Variants in UTRN observed in about 807,000 individuals in gnomAD.
The protein encoded by UTRN is utrophin, also known as dystrophin-related protein 1.
UTRN carries 283 observed loss-of-function variants against 463.9 expected under a neutral mutation model. That is an observed-to-expected ratio of 0.61 (90% CI 0.55 to 0.67). The LOEUF is 0.67. UTRN is among the 30% of genes least tolerant of loss of function. The probability of loss-of-function intolerance (pLI) is 0.00; values close to 1 mark genes in which losing one functional copy is unlikely to be tolerated. For synonymous variants in UTRN, 1,442 were observed against 1,431.5 expected (o/e 1.01, Z -0.17); for missense variants, 3,922 against 4,084.3 (o/e 0.96, Z 1.08).
At chr6:144,745,170 C>T (rs1586347409) in intron 54 of UTRN, among the ~76,000 whole-genome samples, 1 of 152,100 alleles carries the variant, frequency 6.6e-6, no homozygotes, top group Non-Finnish European at 1.5e-5. Flanking sequence ...TGTAGGTGGT[C>T]CTTAGCATTT....
At chr6:144,414,028 C>G (rs1426803601) in intron 3 of UTRN, among the ~76,000 whole-genome samples, 2 of 152,028 alleles carry the variant, frequency 1.3e-5, no homozygotes, top group African/African-American at 2.4e-5. Flanking sequence ...GTCTCGAACT[C>G]CTGATCTCAT....
At position 144,479,825 on chromosome 6, in the gene UTRN, A is replaced by C. The variant is rs1791659529; in HGVS notation, c.3350A>C (p.Lys1117Thr). The change falls in exon 26 of 75, where the codon AAA becomes ACA. Residue 1117 changes from lysine (K) to threonine (T), a missense_variant. By Grantham distance (78) the Lys-to-Thr change is moderately conservative (BLOSUM62 -1). Transcript: ENST00000367545. ...TTTCCTTTGTAGATCGCTACTCAAAAAAGTAGGTTGTCTGAAAGTCAAGAA... is the reference window on the plus strand; with the variant it reads ...TTTCCTTTGTAGATCGCTACTCAAACAAGTAGGTTGTCTGAAAGTCAAGAA... ...EKLSKEIATQ[K>T]SRLSESQEKA... 1.2e-6 allele frequency: 2 copies of C among 1,613,374 alleles called. No individual in the cohort carries two copies. Among genetic ancestry groups the C allele is most frequent in the Non-Finnish European group, 1.7e-6 (2 of 1,179,774 alleles).
At chr6:144,649,191 G>A (rs959021671) in intron 51 of UTRN, among the ~76,000 whole-genome samples, 2 of 152,218 alleles carry the variant, frequency 1.3e-5, no homozygotes, top group Non-Finnish European at 2.9e-5. Flanking sequence ...AACAAAACAC[G>A]AGGAGGCTAT....
chr6:144,348,524 T>A lies in UTRN; in HGVS notation c.80-54599T>A, dbSNP rs12662267. ...GGACTCGTGAATTTTTTGCAGATCTTAATAATTATAGAGAAAATGAGTAGG... is the reference window on the plus strand; with the variant it reads ...GGACTCGTGAATTTTTTGCAGATCTAAATAATTATAGAGAAAATGAGTAGG... On this transcript the variant is annotated intron_variant, in intron 2 of 74. Coordinates refer to ENST00000367545, the MANE Select transcript of UTRN (RefSeq NM_007124.3). Among the ~76,000 whole-genome samples, 1,263 of 152,328 alleles carry A rather than the reference T, an allele frequency of 8.3e-3. 73 individuals carry two copies. The East Asian group carries it at 0.16, about 20-fold the overall frequency.
chr6:144,802,546 A>G (rs761975018), intron 64 of UTRN, among the ~76,000 whole-genome samples: 10 of 152,212 alleles, frequency 6.6e-5, no homozygotes, highest in Admixed American at 3.9e-4. Context: ...GTACAAGTCA[A>G]TGTGCAGTGT....
intron 51 of UTRN, among the ~76,000 whole-genome samples, chr6:144,630,713 A>G (rs1328795627): frequency 6.6e-6 from 1 of 152,110 alleles, no homozygotes. Flanking sequence ...TGAGCTGGAG[A>G]GTTTGTTATA....
At chr6:144,333,165 T>A (rs978355534) in intron 2 of UTRN, 15 of 152,128 alleles carry the variant, frequency 9.9e-5, no homozygotes, top group African/African-American at 2.9e-4. Context: ...TGTCTCGAAC[T>A]CCTGACCTCA....
chr6:144,397,991 G>A (rs1277542603), intron 2 of UTRN: 2 of 221,306 alleles, frequency 9.0e-6, no homozygotes, highest in Admixed American at 4.1e-5. Context: ...GGAGTTACCA[G>A]CAGAAAGACT....
At chr6:144,388,379 C>G (rs1033793733) in intron 2 of UTRN, among the ~76,000 whole-genome samples, 4 of 151,996 alleles carry the variant, frequency 2.6e-5, no homozygotes, top group Non-Finnish European at 5.9e-5. Context: ...GTGGCACAAC[C>G]ATAGCTTACT....
intron 51 of UTRN, among the ~76,000 whole-genome samples, chr6:144,604,263 A>G (rs77866905): frequency 0.025 from 3,762 of 152,278 alleles, 159 homozygotes; most frequent in African/African-American, 0.084. Flanking sequence ...CCTTCTGAAA[A>G]GCCATATAGG....
Position 144,286,585 on chromosome 6 carries a change from C to T in UTRN, c.-93+764C>T, listed in dbSNP as rs1393211359. On this transcript the variant is annotated intron_variant, in intron 1 of 74. Coordinates refer to ENST00000367545, the MANE Select transcript of UTRN (RefSeq NM_007124.3). This position sits in a 1 kb window ranked among gnomAD's most constrained non-coding sequence, Gnocchi z 4.4. ...GCAACTGACAAGGTAATTCATGCCC[C>T]GCTTTGGCCCGGGGTCCGAGGCTGT... Among the ~76,000 whole-genome samples the T allele has an allele frequency of 1.3e-5, 2 of 152,126 alleles. No individual in the cohort carries two copies. Among genetic ancestry groups the T allele is most frequent in the Admixed American group, 6.5e-5 (1 of 15,282 alleles).
At chr6:144,494,611 G>T (rs555718408) in intron 33 of UTRN, among the ~76,000 whole-genome samples, 1 of 152,150 alleles carries the variant, frequency 6.6e-6, no homozygotes, top group Non-Finnish European at 1.5e-5. Flanking sequence ...TGGTAGAGAC[G>T]AGTGGTCTGT....
intron 2 of UTRN, among the ~76,000 whole-genome samples, chr6:144,304,421 G>C (rs757887319): frequency 2.2e-4 from 33 of 152,264 alleles, no homozygotes; most frequent in African/African-American, 5.5e-4. Flanking sequence ...GTTGTCGACT[G>C]TCTGTCACCT....
At chr6:144,772,956 A>C (rs1304979379) in intron 59 of UTRN, among the ~76,000 whole-genome samples, 1 of 151,500 alleles carries the variant, frequency 6.6e-6, no homozygotes, top group East Asian at 1.9e-4. Context: ...TAATCTCTTT[A>C]AATGTTGGGC....
In UTRN at chr6:144,607,927, C is replaced by T. The variant is rs185903009; in HGVS notation, c.7479+30639C>T. 5.3e-4 allele frequency among the ~76,000 whole-genome samples: 80 copies of T among 152,290 alleles called. 1 individual carries two copies. The East Asian group carries it at 0.015, about 28-fold the overall frequency. On this transcript the variant is annotated intron_variant, in intron 51 of 74. Coordinates refer to ENST00000367545, the MANE Select transcript of UTRN (RefSeq NM_007124.3). ...GAAATCCTCTTGCTCTGAGAAACCC[C>T]TCAGTCCCAGATAAAGCAGGCTGGT...
chr6:144,296,994 G>T (rs897561498), intron 2 of UTRN, among the ~76,000 whole-genome samples: 10 of 152,080 alleles, frequency 6.6e-5, no homozygotes, highest in Non-Finnish European at 1.2e-4. Context: ...ACAGTCCTTT[G>T]GGTGGAAGAT....
rs951849684 is a variant in UTRN, at chr6:144,797,890, A to G, written c.9145A>G (p.Met3049Val). ...IDWMHLEPQS[M>V]VWLPVLHRVA... ...TTGGATGCATTTGGAACCACAGTCCATGGTTTGGCTCCCAGTTTTACATCG... is the reference window on the plus strand; with the variant it reads ...TTGGATGCATTTGGAACCACAGTCCGTGGTTTGGCTCCCAGTTTTACATCG... Residue 3049 changes from methionine (M) to valine (V), a missense_variant, in exon 64 of 75, where the codon ATG (methionine) becomes GTG (valine). Physicochemically the swap from Met to Val is conservative, Grantham distance 21. Around this residue, in one of 3 missense-constraint regions of UTRN, gnomAD observed 1,309 missense variants for 1,452.6 expected, o/e 0.90. Transcript: ENST00000367545. 9 of 1,614,080 alleles carry G rather than the reference A, an allele frequency of 5.6e-6. No individual in the cohort carries two copies. Among genetic ancestry groups the G allele is most frequent in the African/African-American group, 4.0e-5 (3 of 74,942 alleles).
intron 69 of UTRN, among the ~76,000 whole-genome samples, chr6:144,832,338 T>C (rs1780737962): frequency 6.6e-6 from 1 of 152,182 alleles, no homozygotes; most frequent in Non-Finnish European, 1.5e-5. Context: ...TTAACTCTCT[T>C]CCAGATACCA....
intron 4 of UTRN, among the ~76,000 whole-genome samples, chr6:144,422,649 C>T (rs1207422973): frequency 6.6e-6 from 1 of 151,948 alleles, no homozygotes; most frequent in Non-Finnish European, 1.5e-5. Flanking sequence ...AAAACTATGA[C>T]ATCTATTTTT....
Sources: gnomAD v4.1 joint callset for allele counts (sites outside exome capture counted in the v4.1 genomes callset) on GRCh38, gnomAD v4.1.1 for gene constraint, gnomAD v4.1.1 regional missense constraint, Gnocchi (gnomAD v3.1) non-coding constraint, MANE v1.5 for transcripts, NCBI Gene and HGNC (gene_info 2026-07-23, HGNC 2026-07-21) for gene names.